Variants in CACNA2D1 observed in about 807,000 individuals in gnomAD.
CACNA2D1 encodes the protein calcium voltage-gated channel auxiliary subunit alpha2delta 1.
In CACNA2D1, 53 loss-of-function variants were observed where a neutral mutation model predicts 171.5. The ratio of observed to expected loss-of-function variants is 0.31; its 90% CI spans 0.25 to 0.39. CACNA2D1 has a LOEUF of 0.39. CACNA2D1 is among the 10% of genes least tolerant of loss of function. The pLI, the probability that CACNA2D1 is intolerant of heterozygous loss-of-function variation, is 1.00. For synonymous variants in CACNA2D1, 442 were observed against 443.1 expected, an observed-to-expected ratio of 1.00 and a Z score of 0.03; for missense variants, 903 against 1,299.8, an observed-to-expected ratio of 0.69 and a Z score of 4.69.
chr7:82,014,283 CTT>C (rs529459338), intron 13 of CACNA2D1, 116 bp downstream of exon 13: 9 of 673,310 alleles, frequency 1.3e-5, no homozygotes, highest in South Asian at 1.1e-4. Context: ...GAATCTTACT[CTT>C]GTCTGATTCC....
intron 1 of CACNA2D1, among the ~76,000 whole-genome samples, chr7:82,412,947 G>C (rs189195638): frequency 2.9e-4 from 44 of 152,164 alleles, no homozygotes; most frequent in Admixed American, 1.4e-3. Context: ...AAGCTCTAAA[G>C]TGTTTATAAG....
At chr7:82,319,880 G>A (rs573383773) in intron 3 of CACNA2D1, among the ~76,000 whole-genome samples, 2 of 152,294 alleles carry the variant, frequency 1.3e-5, no homozygotes, top group East Asian at 3.9e-4. Context: ...CAGCTGTCAA[G>A]ACACAACTTG....
At chr7:82,185,627 T>G (rs979282279) in intron 3 of CACNA2D1, among the ~76,000 whole-genome samples, 1 of 128,738 alleles carries the variant, frequency 7.8e-6, no homozygotes. Flanking sequence ...GAAACTCAAC[T>G]AACTGTTAGT....
chr7:82,199,513 G>A (rs1224508854), intron 3 of CACNA2D1, among the ~76,000 whole-genome samples: 1 of 151,978 alleles, frequency 6.6e-6, no homozygotes. Flanking sequence ...AACTTTATAT[G>A]AGTTATTTCA....
chr7:81,955,255 C>T (rs958202413), intron 38 of CACNA2D1, among the ~76,000 whole-genome samples: 4 of 152,064 alleles, frequency 2.6e-5, no homozygotes, highest in African/African-American at 9.7e-5. Flanking sequence ...GGAGATTATA[C>T]TACCATTCTA....
chr7:82,143,792 T>C (rs2129092416), intron 4 of CACNA2D1, among the ~76,000 whole-genome samples: 1 of 152,312 alleles, frequency 6.6e-6, no homozygotes, highest in South Asian at 2.1e-4. Context: ...ATCTAAAAGT[T>C]TGCTTGTCCA....
chr7:82,390,651 G>C (rs1300595369), intron 1 of CACNA2D1, among the ~76,000 whole-genome samples: 1 of 152,072 alleles, frequency 6.6e-6, no homozygotes, highest in Non-Finnish European at 1.5e-5. Flanking sequence ...GAGATCCTAG[G>C]AAGCCCAGCC....
intron 3 of CACNA2D1, among the ~76,000 whole-genome samples, chr7:82,195,696 T>G (rs556389671): frequency 6.6e-6 from 1 of 151,408 alleles, no homozygotes; most frequent in Non-Finnish European, 1.5e-5. Flanking sequence ...ACAAAATCTC[T>G]ACCAAATTGA....
intron 3 of CACNA2D1, among the ~76,000 whole-genome samples, chr7:82,291,442 AT>A (rs934047414): frequency 2.2e-5 from 3 of 135,594 alleles, no homozygotes; most frequent in African/African-American, 8.1e-5. Flanking sequence ...TAAAATATAT[AT>A]TTTTATTATA....
At chr7:82,144,186 A>C (rs1200405583) in intron 4 of CACNA2D1, among the ~76,000 whole-genome samples, 2 of 151,102 alleles carry the variant, frequency 1.3e-5, no homozygotes, top group African/African-American at 2.4e-5. Flanking sequence ...AGGAAAAATC[A>C]TTTTTTTTTC....
At chr7:82,404,379 A>T (rs552442375) in intron 1 of CACNA2D1, among the ~76,000 whole-genome samples, 183 of 152,292 alleles carry the variant, frequency 1.2e-3, no homozygotes, top group Non-Finnish European at 2.2e-3. Context: ...ATGCTAGATG[A>T]ACCCTTTCTT....
At position 82,177,273 on chromosome 7, in the gene CACNA2D1, A is replaced by ATT. The variant is rs1796640998; in HGVS notation, c.295-6666_295-6665dup. ...TCACCTTATTCACCTCTTCTGACCAATTTCCCTACACAGAGCAATCACCAT... is the reference window on the plus strand; with the variant it reads ...TCACCTTATTCACCTCTTCTGACCAATTTTTCCCTACACAGAGCAATCACCAT... On this transcript the variant is annotated intron_variant, in intron 3 of 38. Transcript: ENST00000356860. Among the ~76,000 whole-genome samples the ATT allele has an allele frequency of 2.0e-5, 3 of 151,584 alleles. No homozygotes were observed. In the South Asian group the frequency reaches 6.3e-4, roughly 32 times the overall value.
In CACNA2D1 at chr7:81,950,465, G is replaced by C; in HGVS notation, c.3203C>G (p.Ser1068Cys). Residue 1068 changes from serine to cysteine, a missense_variant, in exon 39 of 39, where the codon TCC (serine) becomes TGC (cysteine). Ser to Cys is a moderately radical substitution (Grantham distance 112). Coordinates refer to ENST00000356860, the MANE Select transcript of CACNA2D1 (RefSeq NM_000722.4). ...DCGGVSGLNP[S>C]LWYIIGIQFL... ...CTGGATTCCAATGATATACCACAGG[G>C]AGGGATTTAATCCAGAAACACCACC... is the stretch of plus-strand genomic sequence containing the variant. The C allele has an allele frequency of 6.2e-7, 1 of 1,612,996 alleles. No homozygotes were observed. Among genetic ancestry groups the C allele is most frequent in the East Asian group, 2.2e-5 (1 of 44,844 alleles).
At position 82,150,266 on chromosome 7, in the gene CACNA2D1, A is replaced by AC. The variant is rs796101211; in HGVS notation, c.355-13591_355-13590insG. 1.2e-3 allele frequency among the ~76,000 whole-genome samples: 101 copies of AC among 87,178 alleles called. 2 individuals carry two copies. Among genetic ancestry groups the AC allele is most frequent in the African/African-American group, 7.3e-3 (98 of 13,370 alleles). 57.2% of individuals were successfully genotyped at this position (87,178 alleles called of 152,430 possible). ...TTGCTTTAGATCAAATTAAAAAAAA[A>AC]AAACAAAAACAACAACAAAAAAAAA... On this transcript the variant is annotated intron_variant, in intron 4 of 38. Transcript: ENST00000356860.
chr7:82,261,635 G>A (rs561701959), intron 3 of CACNA2D1, among the ~76,000 whole-genome samples: 12 of 152,124 alleles, frequency 7.9e-5, no homozygotes, highest in East Asian at 1.9e-4. Flanking sequence ...CAATCGTATC[G>A]CAAAGATTAT....
chr7:82,036,161 ACCACTTAATCAGTTC>A (rs1803266550), intron 11 of CACNA2D1, among the ~76,000 whole-genome samples: 3 of 152,102 alleles, frequency 2.0e-5, no homozygotes, highest in African/African-American at 7.2e-5. Context: ...CCCAGCCCAC[ACCACTTAATCAGTTC>A]CCATGCCATG....
At chr7:82,246,402 A>T (rs1455129423) in intron 3 of CACNA2D1, among the ~76,000 whole-genome samples, 1 of 152,188 alleles carries the variant, frequency 6.6e-6, no homozygotes, top group East Asian at 1.9e-4. Flanking sequence ...ATCATATTTC[A>T]TTAACCAATC....
chr7:82,238,124 A>T (rs1469106982), intron 3 of CACNA2D1, among the ~76,000 whole-genome samples: 1 of 152,040 alleles, frequency 6.6e-6, no homozygotes, highest in Non-Finnish European at 1.5e-5. Context: ...TGTCACACAG[A>T]AAATCACACA....
intron 3 of CACNA2D1, among the ~76,000 whole-genome samples, chr7:82,303,573 T>C (rs898324647): frequency 4.0e-5 from 6 of 151,614 alleles, no homozygotes; most frequent in South Asian, 2.1e-4. Flanking sequence ...TAGTATGGCA[T>C]TGCTATAAAA....
Sources: allele counts gnomAD v4.1 joint callset (sites outside exome capture counted in the v4.1 genomes callset), GRCh38; gene constraint gnomAD v4.1.1; transcripts MANE v1.5; gene names NCBI Gene and HGNC (gene_info 2026-07-23, HGNC 2026-07-21).